SNTG1: variants seen among roughly 807,000 people sequenced by gnomAD.
SNTG1 encodes syntrophin gamma 1, also known as gamma-1-syntrophin.
Under a neutral mutation model 74.7 loss-of-function variants are expected in SNTG1, and 39 were observed. The observed-to-expected ratio is 0.52, with a 90% confidence interval of 0.40 to 0.68. The LOEUF is 0.68. SNTG1 is among the 30% of genes least tolerant of loss of function. The pLI is 0.00. For synonymous variants in SNTG1, 254 were observed against 217.1 expected (o/e 1.17, Z -1.49); for missense variants, 685 against 609.5 (o/e 1.12, Z -1.30).
intron 4 of SNTG1, among the ~76,000 whole-genome samples, chr8:50,415,981 T>C (rs1426720455): frequency 6.6e-6 from 1 of 152,094 alleles, no homozygotes; most frequent in Admixed American, 6.6e-5. Context: ...ATGTTCTGAG[T>C]GTTCAAATAT....
At chr8:50,342,649 C>T (rs56138290) in intron 2 of SNTG1, among the ~76,000 whole-genome samples, 7,573 of 152,180 alleles carry the variant, frequency 0.05, 264 homozygotes, top group Non-Finnish European at 0.078. Context: ...CACATTCCCC[C>T]CAGCAAAACT....
intron 2 of SNTG1, among the ~76,000 whole-genome samples, chr8:50,280,633 A>G (rs77136667): frequency 5.9e-5 from 9 of 152,124 alleles, no homozygotes; most frequent in Non-Finnish European, 1.0e-4. Context: ...CTTATAAGTC[A>G]TAGGTGGATA....
intron 1 of SNTG1, among the ~76,000 whole-genome samples, chr8:49,921,668 C>T (rs1056929231): frequency 1.3e-5 from 2 of 152,016 alleles, no homozygotes; most frequent in African/African-American, 4.8e-5. Flanking sequence ...CAGATCAGGT[C>T]TGTCTGTGGT....
chr8:50,380,809 T>C (rs1587398129), intron 2 of SNTG1, among the ~76,000 whole-genome samples: 4 of 152,342 alleles, frequency 2.6e-5, no homozygotes, highest in Non-Finnish European at 5.9e-5. Context: ...CTTATCATAA[T>C]TGATGATAAT....
chr8:50,478,179 G>C (rs1182593574), intron 8 of SNTG1, among the ~76,000 whole-genome samples: 1 of 152,168 alleles, frequency 6.6e-6, no homozygotes, highest in Non-Finnish European at 1.5e-5. Context: ...CCAGACAGCA[G>C]CCCTTGGTTT....
chr8:50,364,645 A>G (rs913090174), intron 2 of SNTG1, among the ~76,000 whole-genome samples: 1 of 152,138 alleles, frequency 6.6e-6, no homozygotes, highest in Non-Finnish European at 1.5e-5. Context: ...ATTGGCTGTA[A>G]AAAGGGTTAA....
chr8:50,425,993 C>T (rs2093158922), intron 4 of SNTG1, among the ~76,000 whole-genome samples: 1 of 152,104 alleles, frequency 6.6e-6, no homozygotes, highest in Non-Finnish European at 1.5e-5. Flanking sequence ...TAAAAATGTG[C>T]TTTATTATTT....
At chr8:50,626,728 G>A (rs1843003) in intron 13 of SNTG1, among the ~76,000 whole-genome samples, 91,203 of 151,854 alleles carry the variant, frequency 0.6, 30,077 homozygotes, top group East Asian at 0.77. Context: ...TGGGCCAGGT[G>A]TTCCTTGCCC....
rs1228138387 is a variant in SNTG1, at chr8:50,536,746, C to T, written c.618C>T (p.Leu206=). The T allele has an allele frequency of 6.2e-7, 1 of 1,613,944 alleles. No individual in the cohort carries two copies. Among genetic ancestry groups the T allele is most frequent in the East Asian group, 2.2e-5 (1 of 44,882 alleles). The part of the protein sequence containing the change: ...GLRWEKRWCD[L]RLIPLLHSRF... ...GGTGGGAGAAGCGATGGTGCGACCT[C>T]AGACTGATCCCTCTACTTCATTCGC... The change falls in exon 11 of 19, where the codon CTC becomes CTT. Residue 206 remains leucine, a synonymous_variant. Coordinates refer to ENST00000642720, the MANE Select transcript of SNTG1 (RefSeq NM_018967.5).
At chr8:50,343,635 G>A (rs1337071883) in intron 2 of SNTG1, among the ~76,000 whole-genome samples, 1 of 152,076 alleles carries the variant, frequency 6.6e-6, no homozygotes, top group Non-Finnish European at 1.5e-5. Flanking sequence ...GATAAGATTT[G>A]GGAAATGATT....
chr8:50,380,167 G>T (rs556834364), intron 2 of SNTG1, among the ~76,000 whole-genome samples: 2 of 152,176 alleles, frequency 1.3e-5, no homozygotes, highest in Admixed American at 6.6e-5. Context: ...ACATAAAAAG[G>T]TTAAAGATGC....
intron 8 of SNTG1, among the ~76,000 whole-genome samples, chr8:50,473,006 CT>C (rs2093665549): frequency 1.3e-5 from 2 of 152,130 alleles, no homozygotes; most frequent in African/African-American, 4.8e-5. Context: ...AGGAATGCCA[CT>C]ATTAAAAACA....
In SNTG1 at chr8:50,090,258, A is replaced by G. The variant is rs548466248; in HGVS notation, c.-102-82303A>G. ...AATCCAGTTGTAAATTGGCTTAAATAAAAGGGGAATTGGTTGGCTCACGAC... is the reference window on the plus strand; with the variant it reads ...AATCCAGTTGTAAATTGGCTTAAATGAAAGGGGAATTGGTTGGCTCACGAC... On this transcript the variant is annotated intron_variant, in intron 1 of 18. Coordinates refer to ENST00000642720, the MANE Select transcript of SNTG1 (RefSeq NM_018967.5). Among the ~76,000 whole-genome samples the G allele has an allele frequency of 4.4e-4, 67 of 152,282 alleles. 1 individual carries two copies. The South Asian group carries it at 0.014, about 32-fold the overall frequency.
At chr8:50,441,575 T>C (rs1268544555) in intron 5 of SNTG1, among the ~76,000 whole-genome samples, 6 of 152,198 alleles carry the variant, frequency 3.9e-5, no homozygotes, top group Admixed American at 6.5e-5. Context: ...GAAAGGAATA[T>C]TGAAACAGCT....
chr8:50,635,670 C>G (rs1284343558), intron 13 of SNTG1, among the ~76,000 whole-genome samples: 1 of 152,166 alleles, frequency 6.6e-6, no homozygotes, highest in Non-Finnish European at 1.5e-5. Context: ...TGCTGCCAGG[C>G]CTGGGACTCA....
chr8:50,739,995 T>C (rs1057441562), intron 17 of SNTG1, among the ~76,000 whole-genome samples: 1 of 151,914 alleles, frequency 6.6e-6, no homozygotes, highest in African/African-American at 2.4e-5. Flanking sequence ...AAGACTTAAA[T>C]ATAAAACCCA....
chr8:50,783,745 C>G (rs1192933085), intron 18 of SNTG1, among the ~76,000 whole-genome samples: 1 of 152,196 alleles, frequency 6.6e-6, no homozygotes, highest in Non-Finnish European at 1.5e-5. Context: ...GTGAGATGAA[C>G]CTGGTACCTC....
rs1310178335 is a variant in SNTG1, at chr8:50,328,125, A to G, written c.-27-66087A>G. Among the ~76,000 whole-genome samples, 4 of 152,126 alleles carry G rather than the reference A, an allele frequency of 2.6e-5. No individual in the cohort carries two copies. In the East Asian group the frequency reaches 5.8e-4, roughly 22 times the overall value. On this transcript the variant is annotated intron_variant, in intron 2 of 18. Coordinates refer to ENST00000642720, the MANE Select transcript of SNTG1 (RefSeq NM_018967.5). ...TTCTACCTTCACTTATACCTTTTGT[A>G]ATTATTTTTCTTTATGCAGATCCGA... is the stretch of plus-strand genomic sequence containing the variant.
chr8:50,615,011 C>T lies in SNTG1; in HGVS notation c.849+24094C>T, dbSNP rs535538862. 1.4e-4 allele frequency among the ~76,000 whole-genome samples: 21 copies of T among 150,290 alleles called. No homozygotes were observed. The East Asian group carries it at 3.5e-3, about 25-fold the overall frequency. On this transcript the variant is annotated intron_variant, in intron 13 of 18. Transcript: ENST00000642720. ...AGGCTGGAGTACAGTGGTGCGACCT[C>T]GGCTCACTCCAAGCTCTGCCTCCTG...
Sources: gnomAD v4.1 joint callset for allele counts (sites outside exome capture counted in the v4.1 genomes callset) on GRCh38, gnomAD v4.1.1 for gene constraint, MANE v1.5 for transcripts, NCBI Gene and HGNC (gene_info 2026-07-23, HGNC 2026-07-21) for gene names.